Variants in RPGRIP1L observed in about 807,000 individuals in gnomAD.
RPGRIP1L encodes the protein protein fantom.
Under a neutral mutation model 160.4 loss-of-function variants are expected in RPGRIP1L, and 131 were observed. The ratio of observed to expected loss-of-function variants is 0.82; its 90% CI spans 0.71 to 0.94. RPGRIP1L has a LOEUF of 0.94. RPGRIP1L is among the 40% of genes least tolerant of loss of function. The pLI, the probability that RPGRIP1L is intolerant of heterozygous loss-of-function variation, is 0.00. For synonymous variants in RPGRIP1L, 510 were observed against 515.8 expected, an observed-to-expected ratio of 0.99 and a Z score of 0.15; for missense variants, 1,522 against 1,535.8, an observed-to-expected ratio of 0.99 and a Z score of 0.15.
intron 3 of RPGRIP1L, 151 bp from the exon 4 acceptor site, chr16:53,692,515 T>A: frequency 4.1e-6 from 3 of 735,732 alleles, no homozygotes; most frequent in Admixed American, 4.6e-5. Context: ...CTGTGAAGAA[T>A]CCTTTGATGA....
chr16:53,618,916 G>A, intron 24 of RPGRIP1L, 109 bp downstream of exon 24: 1 of 917,450 alleles, frequency 1.1e-6, no homozygotes, highest in Non-Finnish European at 1.7e-6. Context: ...AGACTTCCAT[G>A]AATTTATGTG....
In RPGRIP1L at chr16:53,686,569, C is replaced by T. The variant is rs139067427; in HGVS notation, c.640G>A (p.Val214Ile). The T allele has an allele frequency of 2.8e-4, 457 of 1,613,466 alleles. 1 individual carries two copies. In the African/African-American group the frequency reaches 4.8e-3, roughly 17 times the overall value. ...ARGEIRNLEN[V>I]IQSQRGQIEE... ...ATCTGGCCTCTTTGTGACTGAATAA[C>T]GTTTTCTCTGAAATAAAGAGCCTCT... The change falls in exon 6 of 27, where the codon GTT becomes ATT. Residue 214 changes from valine (V) to isoleucine (I), a missense_variant. Val to Ile is a conservative substitution (Grantham distance 29). Transcript: ENST00000647211.
At chr16:53,648,620 G>GCC (rs1329861075) in intron 16 of RPGRIP1L, among the ~76,000 whole-genome samples, 41 of 62,486 alleles carry the variant, frequency 6.6e-4, no homozygotes, top group African/African-American at 1.2e-3. Context: ...GCGTGCGCGC[G>GCC]CGCGCGCACA....
chr16:53,669,519 G>A (rs1192514607), intron 9 of RPGRIP1L, among the ~76,000 whole-genome samples: 1 of 151,362 alleles, frequency 6.6e-6, no homozygotes, highest in Non-Finnish European at 1.5e-5. Flanking sequence ...GAAAGATAAA[G>A]TTTTATGGTG....
At chr16:53,608,292 G>A (rs1442173005) in intron 25 of RPGRIP1L, among the ~76,000 whole-genome samples, 1 of 152,112 alleles carries the variant, frequency 6.6e-6, no homozygotes, top group Non-Finnish European at 1.5e-5. Flanking sequence ...CACTACTGAG[G>A]ATTCACTGAA....
chr16:53,656,574 C>T lies in RPGRIP1L; in HGVS notation c.1597G>A (p.Val533Met). The change falls in exon 14 of 27, where the codon GTG becomes ATG. Residue 533 changes from valine to methionine, a missense_variant. Transcript: ENST00000647211. ...TGCAAATTTTCCATCTTACGGGTCA[C>T]TGCCTCAACCTCCATCTACAAAATA... ...NKDYQMEVEA[V>M]TRKMENLQQD... The T allele has an allele frequency of 6.2e-7, 1 of 1,610,350 alleles. No homozygotes were observed. The highest frequency in any genetic ancestry group is 8.5e-7 in the Non-Finnish European group (1 of 1,176,562).
chr16:53,675,926 AT>A (rs1347433537), intron 6 of RPGRIP1L, among the ~76,000 whole-genome samples: 1 of 152,168 alleles, frequency 6.6e-6, no homozygotes, highest in African/African-American at 2.4e-5. Context: ...AATTTAATAC[AT>A]TTTATATTAA....
chr16:53,698,952 G>A lies in RPGRIP1L; in HGVS notation c.85+1687C>T, dbSNP rs1206901037. ...GTGGTTTTGTGGAATAGAAAGCGGGGAAAGGTGGGGAAAAGATTGAGAAAT... is the reference window on the plus strand; with the variant it reads ...GTGGTTTTGTGGAATAGAAAGCGGGAAAAGGTGGGGAAAAGATTGAGAAAT... On this transcript the variant is annotated intron_variant, in intron 2 of 26. Coordinates refer to ENST00000647211, the MANE Select transcript of RPGRIP1L (RefSeq NM_015272.5). Among the ~76,000 whole-genome samples the A allele has an allele frequency of 2.6e-5, 4 of 152,326 alleles. No individual in the cohort carries two copies. In the East Asian group the frequency reaches 7.7e-4, roughly 29 times the overall value.
rs201611020 is a variant in RPGRIP1L, at chr16:53,672,837, T to A, written c.1029+33A>T. Reference sequence around the variant, plus strand: ...CAAAACAGTTACCAAGAAGTTGTAATGCAACAGATGGCTAAACTCTTTGGG... The same window carrying A: ...CAAAACAGTTACCAAGAAGTTGTAAAGCAACAGATGGCTAAACTCTTTGGG... On this transcript the variant is annotated intron_variant, in intron 8 of 26. Coordinates refer to ENST00000647211, the MANE Select transcript of RPGRIP1L (RefSeq NM_015272.5). 61 of 1,595,072 alleles carry A rather than the reference T, an allele frequency of 3.8e-5. No homozygotes were observed. The African/African-American group carries it at 6.8e-4, about 18-fold the overall frequency.
chr16:53,689,103 T>A (rs1206579654), intron 4 of RPGRIP1L, among the ~76,000 whole-genome samples: 2 of 149,950 alleles, frequency 1.3e-5, no homozygotes, highest in African/African-American at 2.4e-5. Flanking sequence ...TATATATATA[T>A]AAAACCTTTT....
chr16:53,651,072 G>T (rs778353944), intron 15 of RPGRIP1L, among the ~76,000 whole-genome samples: 1 of 152,172 alleles, frequency 6.6e-6, no homozygotes, highest in Non-Finnish European at 1.5e-5. Flanking sequence ...CCACTTGGAT[G>T]TCTAATAGGC....
intron 3 of RPGRIP1L, chr16:53,695,241 G>A: frequency 1.5e-6 from 1 of 669,338 alleles, no homozygotes; most frequent in Non-Finnish European, 2.7e-6. Context: ...GTGGGATAAT[G>A]GTCAGAAAAG....
chr16:53,615,645 T>C, intron 24 of RPGRIP1L, among the ~76,000 whole-genome samples: 1 of 151,888 alleles, frequency 6.6e-6, no homozygotes, highest in East Asian at 1.9e-4. Context: ...ATCTAATTTT[T>C]GTATTTTTAG....
intron 10 of RPGRIP1L, among the ~76,000 whole-genome samples, chr16:53,662,147 A>C (rs1967854422): frequency 6.6e-6 from 1 of 152,170 alleles, no homozygotes; most frequent in African/African-American, 2.4e-5. Context: ...CACTCTTTTA[A>C]AATTATGTTC....
In RPGRIP1L at chr16:53,600,772, G is replaced by T. The variant is rs1049705712; in HGVS notation, c.*1304C>A. The T allele has an allele frequency of 3.9e-5, 6 of 152,394 alleles. No individual in the cohort carries two copies. The highest frequency in any genetic ancestry group is 6.6e-5 in the Admixed American group (1 of 15,246). 9.4% of individuals were successfully genotyped at this position (152,394 alleles called of 1,614,324 possible). ...TTGAATGTTCACAAATAGGAGCAAA[G>T]AACTCATTTTCCAGAGCTTTAATCA... On this transcript the variant is annotated 3_prime_UTR_variant, in exon 27 of 27. Coordinates refer to ENST00000647211, the MANE Select transcript of RPGRIP1L (RefSeq NM_015272.5).
intron 17 of RPGRIP1L, among the ~76,000 whole-genome samples, chr16:53,642,541 A>G (rs943704651): frequency 6.6e-6 from 1 of 152,214 alleles, no homozygotes; most frequent in African/African-American, 2.4e-5. Flanking sequence ...CAGAATGGCT[A>G]AGTAAAAAGC....
chr16:53,638,015 C>G (rs1267148705), intron 20 of RPGRIP1L, among the ~76,000 whole-genome samples, 161 bp from the exon 21 acceptor site: 1 of 151,936 alleles, frequency 6.6e-6, no homozygotes, highest in African/African-American at 2.4e-5. Flanking sequence ...TCAATTTGTA[C>G]AAATGATAAT....
rs746227955 is a variant in RPGRIP1L at position 53,686,535 on chromosome 16, A to G, written c.674T>C (p.Leu225Ser). The G allele has an allele frequency of 2.5e-6, 4 of 1,613,682 alleles. No homozygotes were observed. The highest frequency in any genetic ancestry group is 2.2e-5 in the East Asian group (1 of 44,824). Residue 225 changes from leucine to serine, a missense_variant, in exon 6 of 27, where the codon TTA becomes TCA. Leu to Ser is a moderately radical substitution (Grantham distance 145). Transcript: ENST00000647211. ...TTTCAGGATCTCAGCCAAGTGCTCT[A>G]ACTCCTCTATCTGGCCTCTTTGTGA... ...IQSQRGQIEE[L>S]EHLAEILKTQ...
At chr16:53,627,221 A>G (rs1315812906) in intron 22 of RPGRIP1L, among the ~76,000 whole-genome samples, 1 of 152,196 alleles carries the variant, frequency 6.6e-6, no homozygotes, top group Non-Finnish European at 1.5e-5. Context: ...ACCCTTAAAA[A>G]TAGTACTGCA....
Sources: gnomAD v4.1 joint callset for allele counts (sites outside exome capture counted in the v4.1 genomes callset) on GRCh38, gnomAD v4.1.1 for gene constraint, MANE v1.5 for transcripts, NCBI Gene and HGNC (gene_info 2026-07-23, HGNC 2026-07-21) for gene names.